Variants in GRAMD2B observed in about 807,000 individuals in gnomAD.
GRAMD2B encodes GRAM domain containing 2B, also known as GRAM domain-containing protein 2B.
Under a neutral mutation model 59.2 loss-of-function variants are expected in GRAMD2B, and 41 were observed. That is an observed-to-expected ratio of 0.69 (90% CI 0.54 to 0.90). The LOEUF (loss-of-function observed/expected upper bound fraction) is 0.90. GRAMD2B is among the 40% of genes least tolerant of loss of function. The pLI is 0.00. For synonymous variants in GRAMD2B, 161 were observed against 182.7 expected (o/e 0.88, Z 0.96); for missense variants, 424 against 500.5 (o/e 0.85, Z 1.46).
At chr5:126,431,484 C>A (rs1183336509) in intron 1 of GRAMD2B, among the ~76,000 whole-genome samples, 1 of 152,228 alleles carries the variant, frequency 6.6e-6, no homozygotes, top group Non-Finnish European at 1.5e-5. Context: ...GGAATTGTGA[C>A]TGAGCCATCC....
chr5:126,407,338 C>A (rs574841030), intron 1 of GRAMD2B, among the ~76,000 whole-genome samples: 1 of 152,110 alleles, frequency 6.6e-6, no homozygotes, highest in African/African-American at 2.4e-5. Context: ...CATGCCAGAA[C>A]AGCAGGACTA....
At chr5:126,389,103 C>A (rs751678356) in intron 1 of GRAMD2B, among the ~76,000 whole-genome samples, 1 of 152,196 alleles carries the variant, frequency 6.6e-6, no homozygotes, top group Non-Finnish European at 1.5e-5. Flanking sequence ...AGAGCCCCAA[C>A]TTCTTAGCCA....
intron 1 of GRAMD2B, among the ~76,000 whole-genome samples, chr5:126,391,124 T>C (rs976511009): frequency 6.6e-6 from 1 of 151,794 alleles, no homozygotes; most frequent in Non-Finnish European, 1.5e-5. Context: ...ATGAATCAGT[T>C]GAGGTCAGGA....
intron 1 of GRAMD2B, among the ~76,000 whole-genome samples, chr5:126,462,733 A>G (rs1411135906): frequency 1.3e-5 from 2 of 152,156 alleles, no homozygotes; most frequent in African/African-American, 4.8e-5. Flanking sequence ...CAAGGTATTA[A>G]TTAATTAGAT....
intron 2 of GRAMD2B, among the ~76,000 whole-genome samples, chr5:126,466,870 C>T (rs894542557): frequency 6.6e-6 from 1 of 152,198 alleles, no homozygotes; most frequent in African/African-American, 2.4e-5. Flanking sequence ...CCCAGGCTTC[C>T]GTAATAATAA....
upstream of GRAMD2B, chr5:126,423,118 G>T (rs1269901982): frequency 2.0e-6 from 2 of 980,716 alleles, no homozygotes; most frequent in Non-Finnish European, 1.2e-6. Flanking sequence ...GTGACAGGGC[G>T]TCCCACTCAG....
intron 1 of GRAMD2B, among the ~76,000 whole-genome samples, chr5:126,387,539 A>C (rs559316187): frequency 6.6e-6 from 1 of 151,050 alleles, no homozygotes; most frequent in East Asian, 1.9e-4. Flanking sequence ...TGCTATAACA[A>C]GAAATATATA....
At chr5:126,370,243 C>CT (rs1157958135), upstream of GRAMD2B, among the ~76,000 whole-genome samples, 1 of 152,202 alleles carries the variant, frequency 6.6e-6, no homozygotes, top group African/African-American at 2.4e-5. Context: ...CAAAAGTGTT[C>CT]TTAGGGTCAA....
intron 1 of GRAMD2B, among the ~76,000 whole-genome samples, chr5:126,438,737 A>G (rs1409878686): frequency 6.6e-6 from 1 of 152,136 alleles, no homozygotes; most frequent in Non-Finnish European, 1.5e-5. Flanking sequence ...TAAAAGGCTG[A>G]TTTGGGGATT....
At chr5:126,372,897 A>G (rs1754885681) in intron 1 of GRAMD2B, among the ~76,000 whole-genome samples, 1 of 152,168 alleles carries the variant, frequency 6.6e-6, no homozygotes, top group Non-Finnish European at 1.5e-5. Flanking sequence ...ACCAGGAAAA[A>G]AATTAAATTA....
In GRAMD2B at chr5:126,483,659, A is replaced by G. The variant is rs946515273; in HGVS notation, c.847+85A>G. 7 of 703,872 alleles carry G rather than the reference A, an allele frequency of 9.9e-6. No individual in the cohort carries two copies. In the African/African-American group the frequency reaches 1.3e-4, roughly 13 times the overall value. The allele number at this position is 703,872 out of a possible 1,614,324, so 43.6% of individuals were successfully genotyped here. ...ACCCCCTTAAAAAAAAAAAGAAAAGAAAAGAAAGAAAAAAACCCACATTGT... is the reference window on the plus strand; with the variant it reads ...ACCCCCTTAAAAAAAAAAAGAAAAGGAAAGAAAGAAAAAAACCCACATTGT... On this transcript the variant is annotated intron_variant, in intron 9 of 13. Transcript: ENST00000285689.
chr5:126,412,900 T>C (rs1291406778), intron 1 of GRAMD2B, among the ~76,000 whole-genome samples: 1 of 152,060 alleles, frequency 6.6e-6, no homozygotes, highest in Non-Finnish European at 1.5e-5. Flanking sequence ...TGTATGGAGG[T>C]GTTTATAATA....
At chr5:126,365,543 G>A (rs1754404406) in intron 1 of GRAMD2B, among the ~76,000 whole-genome samples, 1 of 152,200 alleles carries the variant, frequency 6.6e-6, no homozygotes, top group Non-Finnish European at 1.5e-5. Flanking sequence ...ATGTTTAAAT[G>A]TTTACAGCGG....
rs76041464 is a variant in GRAMD2B, at chr5:126,412,590, C to A, written c.125+41023C>A. Reference sequence around the variant, plus strand: ...GTTTTCTGTTTTTGTTGTGTCTTTACCAGGTTTTGGTATCAGGGTGATGCT... The same window carrying A: ...GTTTTCTGTTTTTGTTGTGTCTTTAACAGGTTTTGGTATCAGGGTGATGCT... On this transcript the variant is annotated intron_variant, in intron 1 of 8. Coordinates refer to the GRAMD2B transcript ENST00000506445. 7.7e-3 allele frequency among the ~76,000 whole-genome samples: 1,174 copies of A among 152,034 alleles called. 7 individuals are homozygous for A. Among genetic ancestry groups the A allele is most frequent in the Non-Finnish European group, 0.012 (798 of 67,960 alleles).
intron 1 of GRAMD2B, among the ~76,000 whole-genome samples, chr5:126,398,107 T>A (rs1757526427): frequency 6.8e-6 from 1 of 147,704 alleles, no homozygotes. Context: ...CACTGCAGCG[T>A]CAACCTTCCA....
At chr5:126,466,318 G>T in intron 2 of GRAMD2B, 1 of 1,444,596 alleles carries the variant, frequency 6.9e-7, no homozygotes, top group Non-Finnish European at 9.5e-7. Context: ...CCAAATCTAT[G>T]CTTCATTCAG....
chr5:126,363,712 C>A (rs1400054443), intron 1 of GRAMD2B, among the ~76,000 whole-genome samples: 1 of 152,000 alleles, frequency 6.6e-6, no homozygotes, highest in Admixed American at 6.6e-5. Context: ...TATGAAATGT[C>A]CAGAATAGGT....
chr5:126,485,617 A>G, intron 10 of GRAMD2B, 69 bp from the exon 11 acceptor site: 1 of 892,856 alleles, frequency 1.1e-6, no homozygotes, highest in East Asian at 2.5e-5. Flanking sequence ...AGTACCCCAT[A>G]GGGATATTGC....
chr5:126,461,324 G>C (rs1472253663), intron 1 of GRAMD2B, among the ~76,000 whole-genome samples: 1 of 152,170 alleles, frequency 6.6e-6, no homozygotes, highest in Admixed American at 6.5e-5. Context: ...CCACATAAGA[G>C]TTCTAATTCT....
Sources: gnomAD v4.1 joint callset for allele counts (sites outside exome capture counted in the v4.1 genomes callset) on GRCh38, gnomAD v4.1.1 for gene constraint, MANE v1.5 for transcripts, NCBI Gene and HGNC (gene_info 2026-07-23, HGNC 2026-07-21) for gene names.